Variants in TUBA4B observed in about 807,000 individuals in gnomAD.
TUBA4B encodes the protein tubulin alpha 4b, also known as tubulin-like protein alpha-4B.
A neutral mutation model predicts 18.4 loss-of-function variants in TUBA4B; 13 were observed. That is an observed-to-expected ratio of 0.71 (90% CI 0.46 to 1.12). TUBA4B has a LOEUF of 1.12. TUBA4B is among the 50% of genes most tolerant of loss of function. The pLI is 0.00. For missense variants in TUBA4B, 244 were observed against 250.0 expected, an observed-to-expected ratio of 0.98 and a Z score of 0.16; for synonymous variants, 101 against 99.1, an observed-to-expected ratio of 1.02 and a Z score of -0.11.
At position 219,253,262 on chromosome 2, in the gene TUBA4B, C is replaced by A. The variant is rs1287876667; in HGVS notation, c.-146C>A. The stretch of plus-strand genomic sequence containing the variant: ...CCAGCTGTCTCTGCCCATCCGCGCA[C>A]CCGGGCTTCGGCTGGAGAGGGCCAG... On this transcript the variant is annotated 5_prime_UTR_variant, in exon 1 of 4. Coordinates refer to ENST00000490341, the MANE Select transcript of TUBA4B (RefSeq NM_001355221.1). 1.3e-6 allele frequency: 2 copies of A among 1,493,284 alleles called. No homozygotes were observed. Among genetic ancestry groups the A allele is most frequent in the African/African-American group, 1.4e-5 (1 of 72,140 alleles). 92.5% of individuals were successfully genotyped at this position (1,493,284 alleles called of 1,614,324 possible).
chr2:219,270,058 C>T (rs1951816034), intron 2 of TUBA4B, 144 bp from the exon 3 acceptor site: 1 of 615,886 alleles, frequency 1.6e-6, no homozygotes, highest in Admixed American at 2.7e-5. Flanking sequence ...ACAAACACAT[C>T]CAAGCAGGTA....
chr2:219,264,338 T>C (rs1442815528), intron 1 of TUBA4B, among the ~76,000 whole-genome samples: 2 of 151,866 alleles, frequency 1.3e-5, no homozygotes, highest in African/African-American at 2.4e-5. Flanking sequence ...CATGTGCCTG[T>C]AATCCAAGCT....
chr2:219,253,961 C>T (rs948042696), intron 1 of TUBA4B: 4 of 1,082,488 alleles, frequency 3.7e-6, no homozygotes, highest in Admixed American at 4.0e-5. Flanking sequence ...GGGGGGGGGG[C>T]GGGGCCCGCG....
intron 1 of TUBA4B, among the ~76,000 whole-genome samples, chr2:219,255,864 C>T (rs1233100042): frequency 6.6e-6 from 1 of 152,184 alleles, no homozygotes; most frequent in Non-Finnish European, 1.5e-5. Context: ...AACTCTCTAT[C>T]AACAAAATAG....
chr2:219,272,045 C>T lies in TUBA4B; in HGVS notation c.*346C>T. 1 of 1,437,082 alleles carries T rather than the reference C, an allele frequency of 7.0e-7. No individual in the cohort carries two copies. Among genetic ancestry groups the T allele is most frequent in the Non-Finnish European group, 9.8e-7 (1 of 1,020,950 alleles). 89.0% of individuals were successfully genotyped at this position (1,437,082 alleles called of 1,614,324 possible). A position where few individuals can be genotyped will look rare whatever the true frequency, so the allele number is the denominator to read the frequency against. On this transcript the variant is annotated 3_prime_UTR_variant, in exon 4 of 4. Transcript: ENST00000490341. The stretch of plus-strand genomic sequence containing the variant: ...AGGGCATGGAGGAGGGTGAGTTCTC[C>T]AAGGCCCATGAGGATATGACTGCCC...
intron 2 of TUBA4B, 73 bp from the exon 3 acceptor site, chr2:219,270,128 TG>T: frequency 1.5e-6 from 1 of 677,602 alleles, no homozygotes; most frequent in South Asian, 1.6e-5. Flanking sequence ...TCAGGTCCCC[TG>T]GGGCTCCAGC....
chr2:219,271,707 T>A lies in TUBA4B; in HGVS notation c.*8T>A. The A allele has an allele frequency of 6.2e-7, 1 of 1,612,952 alleles. No homozygotes were observed. The stretch of plus-strand genomic sequence containing the variant: ...CTGCCAACCAGATGGTGAAGTGTGA[T>A]CCCCGGCACGGCAAGTACATGGCCT... On this transcript the variant is annotated 3_prime_UTR_variant, in exon 4 of 4. Transcript: ENST00000490341.
rs1951831683 is a variant in TUBA4B, at chr2:219,272,092, T to G, written c.*393T>G. 2 of 1,024,934 alleles carry G rather than the reference T, an allele frequency of 2.0e-6. No homozygotes were observed. The highest frequency in any genetic ancestry group is 1.7e-5 in the African/African-American group (1 of 57,986). 63.5% of individuals were successfully genotyped at this position (1,024,934 alleles called of 1,614,324 possible). A position where few individuals can be genotyped will look rare whatever the true frequency, so the allele number is the denominator to read the frequency against. On this transcript the variant is annotated 3_prime_UTR_variant, in exon 4 of 4. Coordinates refer to ENST00000490341, the MANE Select transcript of TUBA4B (RefSeq NM_001355221.1). ...GCCCTGGAGAAGGATTACAAGGAGG[T>G]GGGCATGGATAGTGTGGAGTGGGGG...
At chr2:219,260,711 C>T (rs547510005) in intron 1 of TUBA4B, among the ~76,000 whole-genome samples, 7 of 152,304 alleles carry the variant, frequency 4.6e-5, no homozygotes, top group South Asian at 4.1e-4. Flanking sequence ...CGGTGGCTCA[C>T]GCCTGTAATC....
intron 2 of TUBA4B, 108 bp downstream of exon 2, chr2:219,266,674 C>T: frequency 4.5e-6 from 3 of 661,376 alleles, no homozygotes; most frequent in South Asian, 1.6e-5. Flanking sequence ...GATGGGGCTA[C>T]AGTATGTGGC....
At chr2:219,254,082 G>T (rs565908522) in intron 1 of TUBA4B, 2 of 444,798 alleles carry the variant, frequency 4.5e-6, no homozygotes, top group African/African-American at 2.1e-5. Flanking sequence ...CAAGCTGCGC[G>T]GGGGTCCCTC....
In TUBA4B at chr2:219,271,590, C is replaced by A; in HGVS notation, c.617C>A (p.Ser206Tyr). 1 of 1,614,134 alleles carries A rather than the reference C, an allele frequency of 6.2e-7. No homozygotes were observed. The highest frequency in any genetic ancestry group is 1.1e-5 in the South Asian group (1 of 91,084). ...TNLVSYLTST[S>Y]PWPPMHQSSL... ...CTGGTGTCCTACCTCACATCCACTT[C>A]CCCCTGGCCACCTATGCACCAGTCA... The change falls in exon 4 of 4, where the codon TCC (serine) becomes TAC (tyrosine). Residue 206 changes from serine to tyrosine, a missense_variant. Physicochemically the swap from Ser to Tyr is moderately radical, Grantham distance 144. Transcript: ENST00000490341.
In TUBA4B at chr2:219,253,343, G is replaced by A. The variant is rs1458897385; in HGVS notation, c.-65G>A. 5.9e-6 allele frequency: 9 copies of A among 1,533,416 alleles called. No homozygotes were observed. The highest frequency in any genetic ancestry group is 7.9e-6 in the Non-Finnish European group (9 of 1,146,090). 95.0% of individuals were successfully genotyped at this position (1,533,416 alleles called of 1,614,324 possible). A position where few individuals can be genotyped will look rare whatever the true frequency, so the allele number is the denominator to read the frequency against. On this transcript the variant is annotated 5_prime_UTR_variant, in exon 1 of 4. It adds an upstream start codon to the 5' untranslated region. Transcript: ENST00000490341. ...CCAACCCTCTCAGCTCAGACGCGGG[G>A]TGCTGAGTCACGGGGGGGGGGTGGT...
intron 2 of TUBA4B, among the ~76,000 whole-genome samples, chr2:219,268,931 C>CA (rs1467563301): frequency 4.6e-5 from 7 of 151,972 alleles, no homozygotes; most frequent in African/African-American, 1.5e-4. Context: ...CCTGTCTCTA[C>CA]AAAAAAATTT....
intron 1 of TUBA4B, among the ~76,000 whole-genome samples, chr2:219,261,675 T>C (rs1951760048): frequency 6.6e-6 from 1 of 152,192 alleles, no homozygotes; most frequent in African/African-American, 2.4e-5. Context: ...CCGTTATTCC[T>C]AGATGCCTTC....
chr2:219,262,672 T>A (rs1477777846), intron 1 of TUBA4B, among the ~76,000 whole-genome samples: 1 of 152,038 alleles, frequency 6.6e-6, no homozygotes, highest in Non-Finnish European at 1.5e-5. Context: ...CACACCCAGC[T>A]AATTAAAAAA....
chr2:219,269,079 A>T (rs1030696063), intron 2 of TUBA4B, among the ~76,000 whole-genome samples: 2 of 152,252 alleles, frequency 1.3e-5, no homozygotes, highest in African/African-American at 4.8e-5. Flanking sequence ...AGCCTGGGTG[A>T]CAAAGTGAGA....
chr2:219,267,256 T>G (rs920646699), intron 2 of TUBA4B, among the ~76,000 whole-genome samples: 3 of 152,214 alleles, frequency 2.0e-5, no homozygotes, highest in African/African-American at 7.2e-5. Context: ...GCTCATGGCC[T>G]TGAGCAAGCT....
intron 2 of TUBA4B, 66 bp from the exon 3 acceptor site, chr2:219,270,136 C>T: frequency 2.9e-6 from 2 of 683,202 alleles, no homozygotes; most frequent in Admixed American, 4.1e-5. Context: ...CCTGGGGCTC[C>T]AGCAGCTGGA....
Sources: allele counts gnomAD v4.1 joint callset (sites outside exome capture counted in the v4.1 genomes callset), GRCh38; gene constraint gnomAD v4.1.1; transcripts MANE v1.5; gene names NCBI Gene and HGNC (gene_info 2026-07-23, HGNC 2026-07-21).